Variants in PTPRT observed in about 807,000 individuals in gnomAD.
PTPRT encodes the protein receptor-type tyrosine-protein phosphatase T.
Under a neutral mutation model 176.8 loss-of-function variants are expected in PTPRT, and 56 were observed. That is an observed-to-expected ratio of 0.32 (90% CI 0.26 to 0.40). The LOEUF is 0.40. PTPRT is among the 10% of genes least tolerant of loss of function. The probability of loss-of-function intolerance (pLI) is 1.00; values close to 1 mark genes in which losing one functional copy is unlikely to be tolerated. For synonymous variants in PTPRT, 783 were observed against 739.0 expected (o/e 1.06, Z -0.96); for missense variants, 1,540 against 1,908.2 (o/e 0.81, Z 3.60).
chr20:42,402,914 T>C (rs1229623164), intron 9 of PTPRT, among the ~76,000 whole-genome samples: 2 of 152,178 alleles, frequency 1.3e-5, no homozygotes, highest in Non-Finnish European at 2.9e-5. Context: ...CAAGGACCAC[T>C]ATAACATCTG....
intron 2 of PTPRT, among the ~76,000 whole-genome samples, chr20:42,858,440 G>A (rs1245986988): frequency 1.3e-5 from 2 of 152,274 alleles, no homozygotes; most frequent in Admixed American, 6.5e-5. Flanking sequence ...TGTTTGTGGA[G>A]GCCAAAACTC....
intron 2 of PTPRT, among the ~76,000 whole-genome samples, chr20:42,801,997 G>T (rs945616005): frequency 2.0e-5 from 3 of 152,178 alleles, no homozygotes; most frequent in Non-Finnish European, 2.9e-5. Context: ...GGGTGATAGA[G>T]CCAGCATTCA....
chr20:43,126,022 G>A (rs1045612020), intron 1 of PTPRT, among the ~76,000 whole-genome samples: 10 of 152,210 alleles, frequency 6.6e-5, no homozygotes, highest in African/African-American at 1.9e-4. Context: ...ACTGAAAACT[G>A]TGTACCCAAT....
At chr20:42,903,436 T>C (rs1225422017) in intron 1 of PTPRT, among the ~76,000 whole-genome samples, 2 of 152,256 alleles carry the variant, frequency 1.3e-5, no homozygotes, top group Non-Finnish European at 2.9e-5. Context: ...TTTATAAGTA[T>C]ATTAACATTT....
At chr20:43,144,194 A>T (rs1287317187) in intron 1 of PTPRT, among the ~76,000 whole-genome samples, 1 of 152,128 alleles carries the variant, frequency 6.6e-6, no homozygotes, top group African/African-American at 2.4e-5. Flanking sequence ...TTCAGACTCA[A>T]ATACTCAACT....
Position 42,617,132 on chromosome 20 carries a change from A to C in PTPRT, c.1153+60734T>G, listed in dbSNP as rs1339760458. ...CCTCCCATCAATACCTAATTTATTG[A>C]GAGTTTTTAGCATGAAGGGTTGTTG... On this transcript the variant is annotated intron_variant, in intron 7 of 30. Transcript: ENST00000373187. 2.9e-5 allele frequency among the ~76,000 whole-genome samples: 4 copies of C among 137,366 alleles called. 1 individual carries two copies. The highest frequency in any genetic ancestry group is 1.3e-4 in the African/African-American group (4 of 30,932). 90.1% of individuals were successfully genotyped at this position (137,366 alleles called of 152,430 possible).
chr20:42,425,224 C>A (rs1041803351), intron 9 of PTPRT, among the ~76,000 whole-genome samples: 1 of 152,022 alleles, frequency 6.6e-6, no homozygotes, highest in Non-Finnish European at 1.5e-5. Flanking sequence ...CAAACCCACA[C>A]AAAGATTACT....
chr20:43,142,578 A>T (rs1358221196), intron 1 of PTPRT, among the ~76,000 whole-genome samples: 1 of 151,620 alleles, frequency 6.6e-6, no homozygotes, highest in Non-Finnish European at 1.5e-5. Context: ...CAGAAGGAAA[A>T]AACCATCCCC....
rs116935026 is a variant in PTPRT at position 42,478,749 on chromosome 20, C to A, written c.1154-6187G>T. On this transcript the variant is annotated intron_variant, in intron 7 of 30. Transcript: ENST00000373187. ...CTCGATGACATTTTTTTTCCTTAACCTGCTATCATATGTCTCCCATAGCTC... is the reference window on the plus strand; with the variant it reads ...CTCGATGACATTTTTTTTCCTTAACATGCTATCATATGTCTCCCATAGCTC... 7.8e-3 allele frequency among the ~76,000 whole-genome samples: 1,187 copies of A among 152,094 alleles called. 11 individuals are homozygous for A. The highest frequency in any genetic ancestry group is 0.014 in the Middle Eastern group (4 of 294).
chr20:42,785,557 C>A (rs2077276991), intron 3 of PTPRT, among the ~76,000 whole-genome samples: 1 of 152,132 alleles, frequency 6.6e-6, no homozygotes, highest in Non-Finnish European at 1.5e-5. Context: ...GGGTGCTTGT[C>A]CCTATGTGGG....
intron 9 of PTPRT, among the ~76,000 whole-genome samples, chr20:42,383,166 A>G (rs2058712791): frequency 6.6e-6 from 1 of 152,232 alleles, no homozygotes; most frequent in South Asian, 2.1e-4. Flanking sequence ...GGTTTAAAAC[A>G]CTGAGACTTC....
At chr20:42,165,197 G>A (rs1418792234) in intron 16 of PTPRT, among the ~76,000 whole-genome samples, 1 of 152,020 alleles carries the variant, frequency 6.6e-6, no homozygotes, top group Non-Finnish European at 1.5e-5. Flanking sequence ...CTGCCCCACT[G>A]CTACCAGCCA....
intron 6 of PTPRT, among the ~76,000 whole-genome samples, chr20:42,741,624 G>A (rs1015526738): frequency 6.6e-6 from 1 of 152,142 alleles, no homozygotes; most frequent in African/African-American, 2.4e-5. Context: ...GGGATTACAG[G>A]CATGAGCCAC....
intron 11 of PTPRT, among the ~76,000 whole-genome samples, chr20:42,350,186 A>T (rs545424844): frequency 1.1e-3 from 158 of 145,468 alleles, no homozygotes; most frequent in Non-Finnish European, 2.1e-3. Flanking sequence ...CTTCTAGACC[A>T]TCTCAGGTCC....
At chr20:42,254,857 C>G (rs1600733748) in intron 13 of PTPRT, among the ~76,000 whole-genome samples, 1 of 152,196 alleles carries the variant, frequency 6.6e-6, no homozygotes, top group Non-Finnish European at 1.5e-5. Flanking sequence ...GACCTCATGT[C>G]TACAGGATGC....
intron 7 of PTPRT, among the ~76,000 whole-genome samples, chr20:42,656,780 A>G (rs143601306): frequency 1.9e-4 from 29 of 152,358 alleles, no homozygotes; most frequent in African/African-American, 5.3e-4. Flanking sequence ...GATGAAATCA[A>G]TTGTACATCT....
chr20:42,079,702 G>A lies in PTPRT; in HGVS notation c.*1177C>T. The stretch of plus-strand genomic sequence containing the variant: ...CTCCACAATGGCCTTTTTCAAGGTG[G>A]CTGCTGGGTTTCTTTAGGAAGGAGT... On this transcript the variant is annotated 3_prime_UTR_variant, in exon 31 of 31. Coordinates refer to ENST00000373187, the MANE Select transcript of PTPRT (RefSeq NM_007050.6). 4.4e-6 allele frequency: 1 copy of A among 229,284 alleles called. No homozygotes were observed. Among genetic ancestry groups the A allele is most frequent in the African/African-American group, 2.2e-5 (1 of 45,222 alleles). The allele number at this position is 229,284 out of a possible 1,614,324, so 14.2% of individuals were successfully genotyped here.
intron 9 of PTPRT, among the ~76,000 whole-genome samples, chr20:42,422,228 T>C (rs1002131763): frequency 3.9e-5 from 6 of 152,150 alleles, no homozygotes; most frequent in African/African-American, 7.2e-5. Context: ...CTAAAGAGCT[T>C]CTACACTGCA....
At chr20:42,142,603 G>A (rs1007295989) in intron 17 of PTPRT, among the ~76,000 whole-genome samples, 4 of 152,056 alleles carry the variant, frequency 2.6e-5, no homozygotes, top group Non-Finnish European at 5.9e-5. Flanking sequence ...CCAGTGGGGG[G>A]GCTCCTGAAA....
Sources: gnomAD v4.1 joint callset for allele counts (sites outside exome capture counted in the v4.1 genomes callset) on GRCh38, gnomAD v4.1.1 for gene constraint, MANE v1.5 for transcripts, NCBI Gene and HGNC (gene_info 2026-07-23, HGNC 2026-07-21) for gene names.